APBB2: variants seen among roughly 807,000 people sequenced by gnomAD.
The protein encoded by APBB2 is amyloid beta precursor protein binding family B member 2.
APBB2 carries 38 observed loss-of-function variants against 82.5 expected under a neutral mutation model. The observed-to-expected ratio is 0.46, with a 90% CI of 0.36 to 0.60. The LOEUF (loss-of-function observed/expected upper bound fraction) is 0.60. Among genes scored for constraint, APBB2 ranks in the 20% least tolerant of loss-of-function variants. APBB2 has a pLI of 0.00. For synonymous variants in APBB2, 341 were observed against 368.2 expected, an observed-to-expected ratio of 0.93 and a Z score of 0.85; for missense variants, 772 against 972.3, an observed-to-expected ratio of 0.79 and a Z score of 2.74.
intron 12 of APBB2, among the ~76,000 whole-genome samples, chr4:40,835,618 G>A (rs896753035): frequency 6.6e-6 from 1 of 152,248 alleles, no homozygotes; most frequent in South Asian, 2.1e-4. Context: ...TGCTGTGCGG[G>A]AGTCTGTACT....
intron 5 of APBB2, among the ~76,000 whole-genome samples, chr4:41,029,002 G>A (rs932061486): frequency 2.0e-5 from 3 of 152,178 alleles, no homozygotes; most frequent in Non-Finnish European, 4.4e-5. Context: ...ATAACCTGCT[G>A]CTCTCCCTTT....
At chr4:40,841,976 G>A (rs528515271) in intron 12 of APBB2, among the ~76,000 whole-genome samples, 49 of 152,278 alleles carry the variant, frequency 3.2e-4, no homozygotes, top group East Asian at 9.6e-4. Flanking sequence ...CACCACGCCC[G>A]GCCATGATAT....
chr4:41,119,883 C>G (rs1752279937), intron 2 of APBB2, among the ~76,000 whole-genome samples: 1 of 152,180 alleles, frequency 6.6e-6, no homozygotes, highest in Admixed American at 6.5e-5. Context: ...AATGTGATAA[C>G]AAGCATCAAA....
At chr4:40,840,786 A>C (rs1755534116) in intron 12 of APBB2, among the ~76,000 whole-genome samples, 1 of 152,122 alleles carries the variant, frequency 6.6e-6, no homozygotes, top group African/African-American at 2.4e-5. Context: ...GGCAAACTAG[A>C]ATCTGTAGCC....
At chr4:41,152,372 G>T (rs1166522654) in intron 1 of APBB2, among the ~76,000 whole-genome samples, 2 of 151,214 alleles carry the variant, frequency 1.3e-5, no homozygotes, top group Non-Finnish European at 2.9e-5. Flanking sequence ...GCCCAGGCTG[G>T]AGTACAGGGG....
intron 10 of APBB2, among the ~76,000 whole-genome samples, chr4:40,901,885 C>T (rs1019264662): frequency 1.3e-5 from 2 of 148,756 alleles, no homozygotes; most frequent in Admixed American, 6.7e-5. Context: ...AAGTTCTAAA[C>T]ACCCTGAAAA....
chr4:40,858,142 A>T (rs973641017), intron 12 of APBB2, among the ~76,000 whole-genome samples: 1 of 152,140 alleles, frequency 6.6e-6, no homozygotes, highest in African/African-American at 2.4e-5. Flanking sequence ...TGGAAGCAGA[A>T]AATGTCCAAT....
Position 41,134,073 on chromosome 4 carries a change from T to C in APBB2, c.-261+8914A>G, listed in dbSNP as rs541128960. On this transcript the variant is annotated intron_variant, in intron 2 of 17. Transcript: ENST00000508593. Reference sequence around the variant, plus strand: ...AAAACCTTGACCTCCTGGGCTCAAGTGGTCCACCCACCTCTGCCTCTTGAG... The same window carrying C: ...AAAACCTTGACCTCCTGGGCTCAAGCGGTCCACCCACCTCTGCCTCTTGAG... Among the ~76,000 whole-genome samples, 71 of 152,288 alleles carry C rather than the reference T, an allele frequency of 4.7e-4. 1 individual carries two copies. In the South Asian group the frequency reaches 0.012, roughly 25 times the overall value.
At chr4:41,113,297 T>G (rs1749852432) in intron 2 of APBB2, among the ~76,000 whole-genome samples, 1 of 152,164 alleles carries the variant, frequency 6.6e-6, no homozygotes, top group Non-Finnish European at 1.5e-5. Flanking sequence ...GATATCTGAG[T>G]TGGGGGAAAG....
Position 40,812,288 on chromosome 4 carries a change from T to G in APBB2, c.*3804A>C, listed in dbSNP as rs187270565. On this transcript the variant is annotated 3_prime_UTR_variant, in exon 18 of 18. Coordinates refer to ENST00000508593, the MANE Select transcript of APBB2 (RefSeq NM_004307.2). Reference sequence around the variant, plus strand: ...TTGTATATGTGACTAAGATGTCAGATAAATGAGCCGAACGTTTTATGCAGC... The same window carrying G: ...TTGTATATGTGACTAAGATGTCAGAGAAATGAGCCGAACGTTTTATGCAGC... 8 of 152,360 alleles carry G rather than the reference T, an allele frequency of 5.3e-5. No individual in the cohort carries two copies. In the East Asian group the frequency reaches 1.3e-3, roughly 26 times the overall value. The allele number at this position is 152,360 out of a possible 1,614,324, so 9.4% of individuals were successfully genotyped here.
At chr4:41,116,935 G>T (rs894175027) in intron 2 of APBB2, among the ~76,000 whole-genome samples, 6 of 152,048 alleles carry the variant, frequency 3.9e-5, no homozygotes, top group African/African-American at 1.4e-4. Context: ...ATTCTCACAC[G>T]TTCCCACCTC....
At chr4:41,101,470 CAAAAAAAAAAAAAAAAAAAAAA>C (rs150527764) in intron 2 of APBB2, among the ~76,000 whole-genome samples, 1 of 72,524 alleles carries the variant, frequency 1.4e-5, no homozygotes, top group Non-Finnish European at 2.4e-5. Context: ...GACTCCGTCT[CAAAAAAAAAAAAAAAAAAAAAA>C]AAAAAAAAAG....
At chr4:40,863,092 C>T (rs1041924555) in intron 12 of APBB2, among the ~76,000 whole-genome samples, 6 of 152,196 alleles carry the variant, frequency 3.9e-5, no homozygotes, top group Admixed American at 3.9e-4. Flanking sequence ...TGGGATGCTG[C>T]AGCTCTTTCT....
At chr4:40,866,273 A>G (rs977486929) in intron 12 of APBB2, among the ~76,000 whole-genome samples, 1 of 151,942 alleles carries the variant, frequency 6.6e-6, no homozygotes, top group Non-Finnish European at 1.5e-5. Flanking sequence ...GGACACCATC[A>G]GTCATCTTTA....
chr4:41,099,222 G>A (rs919842842), intron 3 of APBB2, among the ~76,000 whole-genome samples: 17 of 152,100 alleles, frequency 1.1e-4, no homozygotes, highest in Non-Finnish European at 2.1e-4. Context: ...GCACACACAC[G>A]TATATGGTTT....
At chr4:41,037,292 G>A (rs777745858) in intron 4 of APBB2, among the ~76,000 whole-genome samples, 65 of 152,164 alleles carry the variant, frequency 4.3e-4, no homozygotes, top group Non-Finnish European at 8.1e-4. Flanking sequence ...ACTTGGCGTG[G>A]AAAAAATGTA....
intron 4 of APBB2, among the ~76,000 whole-genome samples, chr4:41,064,103 C>G (rs138254975): frequency 0.044 from 6,631 of 151,884 alleles, 222 homozygotes; most frequent in Middle Eastern, 0.078. Context: ...CTCAGCCTCC[C>G]GAGTAGCTGG....
At chr4:40,838,712 G>A (rs943412883) in intron 12 of APBB2, among the ~76,000 whole-genome samples, 1 of 151,896 alleles carries the variant, frequency 6.6e-6, no homozygotes, top group Admixed American at 6.6e-5. Flanking sequence ...CAAGTGATCC[G>A]CCCACCTCAG....
chr4:40,981,773 AC>A (rs1454080442), intron 6 of APBB2, among the ~76,000 whole-genome samples: 11 of 152,132 alleles, frequency 7.2e-5, no homozygotes, highest in African/African-American at 2.7e-4. Context: ...CTTCTCCTAT[AC>A]GCAGAACAAG....
Sources: allele counts gnomAD v4.1 joint callset (sites outside exome capture counted in the v4.1 genomes callset), GRCh38; gene constraint gnomAD v4.1.1; transcripts MANE v1.5; gene names NCBI Gene and HGNC (gene_info 2026-07-23, HGNC 2026-07-21).